Variants in MARCHF10 observed in about 807,000 individuals in gnomAD.
The protein encoded by MARCHF10 is probable E3 ubiquitin-protein ligase MARCHF10.
A neutral mutation model predicts 76.2 loss-of-function variants in MARCHF10; 64 were observed. The observed-to-expected ratio is 0.84, with a 90% confidence interval of 0.69 to 1.03. The LOEUF is 1.03. Among genes scored for constraint, MARCHF10 ranks in the 50% least tolerant of loss-of-function variants. The pLI is 0.00. For missense variants in MARCHF10, 875 were observed against 958.0 expected (o/e 0.91, Z 1.14); for synonymous variants, 340 against 357.5 (o/e 0.95, Z 0.55).
chr17:62,707,178 C>T (rs2089643910), intron 9 of MARCHF10, among the ~76,000 whole-genome samples: 1 of 152,214 alleles, frequency 6.6e-6, no homozygotes. Context: ...AGTTCTCCTC[C>T]CAAAACCCAC....
intron 6 of MARCHF10, among the ~76,000 whole-genome samples, 186 bp from the exon 7 acceptor site, chr17:62,725,290 G>C (rs962886724): frequency 1.3e-5 from 2 of 152,044 alleles, no homozygotes; most frequent in African/African-American, 4.8e-5. Flanking sequence ...TTGAAACAGA[G>C]TCTCACTCCG....
At chr17:62,754,302 A>G (rs1238919284) in intron 4 of MARCHF10, among the ~76,000 whole-genome samples, 2 of 152,150 alleles carry the variant, frequency 1.3e-5, no homozygotes, top group African/African-American at 4.8e-5. Flanking sequence ...CTAACTCCCA[A>G]CCTCAGGTGA....
At position 62,736,697 on chromosome 17, in the gene MARCHF10, C is replaced by A; in HGVS notation, c.1171G>T (p.Gly391Cys). The A allele has an allele frequency of 6.2e-7, 1 of 1,614,162 alleles. No individual in the cohort carries two copies. The highest frequency in any genetic ancestry group is 1.7e-5 in the Admixed American group (1 of 60,020). Reference sequence around the variant, plus strand: ...CTCTTTTTCGCATTTTCACTGCCACCTCTGTCCTTCTCTGTAGCAGATTCC... The same window carrying A: ...CTCTTTTTCGCATTTTCACTGCCACATCTGTCCTTCTCTGTAGCAGATTCC... ...DRESATEKDR[G>C]GSENAKKSPL... is the part of the protein sequence containing the mutation. The change falls in exon 6 of 11, where the codon GGT becomes TGT. Residue 391 changes from glycine (G) to cysteine (C), a missense_variant. By Grantham distance (159) the Gly-to-Cys change is radical. Transcript: ENST00000311269.
rs189701065 is a variant in MARCHF10 at position 62,707,844 on chromosome 17, C to T, written c.2329-2263G>A. Among the ~76,000 whole-genome samples, 19 of 152,234 alleles carry T rather than the reference C, an allele frequency of 1.2e-4. No homozygotes were observed. In the South Asian group the frequency reaches 2.7e-3, roughly 22 times the overall value. On this transcript the variant is annotated intron_variant, in intron 9 of 10. Coordinates refer to ENST00000311269, the MANE Select transcript of MARCHF10 (RefSeq NM_152598.4). ...TTTAGAGGCTAGTATGTAGTAGGTT[C>T]GCAGAAAATCTTTGAATAGCGGCTG... is the stretch of plus-strand genomic sequence containing the variant.
chr17:62,788,209 G>A (rs1360491344), intron 3 of MARCHF10, among the ~76,000 whole-genome samples: 1 of 152,164 alleles, frequency 6.6e-6, no homozygotes, highest in Non-Finnish European at 1.5e-5. Flanking sequence ...GACCATCTGT[G>A]TCAGGACCTT....
chr17:62,715,661 G>C (rs1256378910), intron 8 of MARCHF10, among the ~76,000 whole-genome samples: 2 of 152,202 alleles, frequency 1.3e-5, no homozygotes, highest in African/African-American at 4.8e-5. Context: ...TACTGCCACA[G>C]GCCCTGACAG....
intron 3 of MARCHF10, among the ~76,000 whole-genome samples, chr17:62,772,435 A>G (rs1029332261): frequency 1.3e-5 from 2 of 152,190 alleles, no homozygotes. Context: ...TTTATCAGCA[A>G]TGTGAAAATG....
At chr17:62,798,865 CAG>C (rs1328417593) in intron 2 of MARCHF10, among the ~76,000 whole-genome samples, 1 of 152,150 alleles carries the variant, frequency 6.6e-6, no homozygotes, top group Non-Finnish European at 1.5e-5. Flanking sequence ...GGCTGGAGAG[CAG>C]AGGGCCTCAA....
At chr17:62,705,306 C>A (rs1467878763) in intron 10 of MARCHF10, 2 of 1,454,346 alleles carry the variant, frequency 1.4e-6, no homozygotes, top group African/African-American at 2.9e-5. Flanking sequence ...TTTGTTGGCG[C>A]CTTTCCTTGC....
At chr17:62,804,417 T>C (rs1201052982) in intron 1 of MARCHF10, among the ~76,000 whole-genome samples, 1 of 151,662 alleles carries the variant, frequency 6.6e-6, no homozygotes, top group Non-Finnish European at 1.5e-5. Flanking sequence ...CACGAATATT[T>C]AGAGAACAAG....
In MARCHF10 at chr17:62,709,310, C is replaced by A. The variant is rs546561167; in HGVS notation, c.2328+1921G>T. 2.0e-5 allele frequency among the ~76,000 whole-genome samples: 3 copies of A among 152,074 alleles called. No individual in the cohort carries two copies. The East Asian group carries it at 5.8e-4, about 29-fold the overall frequency. On this transcript the variant is annotated intron_variant, in intron 9 of 10. Transcript: ENST00000311269. ...GCCTGACCAACATGGTGAAACCCTG[C>A]CTCTACTAAAAATACACAAATTAGC...
intron 4 of MARCHF10, among the ~76,000 whole-genome samples, chr17:62,758,431 C>T (rs1429712639): frequency 6.6e-6 from 1 of 152,158 alleles, no homozygotes; most frequent in African/African-American, 2.4e-5. Flanking sequence ...AAAACATCCT[C>T]AATTCGATAA....
intron 3 of MARCHF10, among the ~76,000 whole-genome samples, chr17:62,782,220 G>A (rs1175970656): frequency 1.3e-5 from 2 of 152,138 alleles, no homozygotes; most frequent in Non-Finnish European, 2.9e-5. Context: ...CTTATTCACA[G>A]CTTCCCTTGA....
intron 10 of MARCHF10, 165 bp downstream of exon 10, chr17:62,705,374 T>C: frequency 1.3e-6 from 2 of 1,531,002 alleles, no homozygotes; most frequent in South Asian, 1.2e-5. Context: ...GGCCTCGCCT[T>C]CCTGATTGTT....
chr17:62,764,596 CTG>C (rs756665713), intron 3 of MARCHF10, among the ~76,000 whole-genome samples: 8 of 127,516 alleles, frequency 6.3e-5, no homozygotes, highest in Non-Finnish European at 1.3e-4. Flanking sequence ...GATCAAGGGA[CTG>C]TGTGTGCCAC....
At position 62,741,230 on chromosome 17, in the gene MARCHF10, G is replaced by C. The variant is rs557517805; in HGVS notation, c.535+3146C>G. 1.5e-4 allele frequency among the ~76,000 whole-genome samples: 23 copies of C among 152,218 alleles called. No individual in the cohort carries two copies. The East Asian group carries it at 4.2e-3, about 28-fold the overall frequency. On this transcript the variant is annotated intron_variant, in intron 5 of 10. Transcript: ENST00000311269. The stretch of plus-strand genomic sequence containing the variant: ...ATAATTTGTTAACTCTTCCCCTATT[G>C]TTGGGTATATAGGTTGTTTTGAGGT...
At chr17:62,732,800 C>G (rs2091082844) in intron 6 of MARCHF10, among the ~76,000 whole-genome samples, 2 of 151,914 alleles carry the variant, frequency 1.3e-5, no homozygotes, top group Admixed American at 1.3e-4. Context: ...TGAGACCAGC[C>G]TGGCCAACCC....
chr17:62,712,237 A>G lies in MARCHF10; in HGVS notation c.2215-893T>C, dbSNP rs566267176. On this transcript the variant is annotated intron_variant, in intron 8 of 10. Transcript: ENST00000311269. This position sits in a 1 kb window ranked among gnomAD's most constrained non-coding sequence, Gnocchi z 4.2. ...CCAGGCTGTGCTCACAAAGCCACCC[A>G]GCCCCCGGGGAATAGAGTCCCCAGC... Among the ~76,000 whole-genome samples, 1 of 152,336 alleles carries G rather than the reference A, an allele frequency of 6.6e-6. No homozygotes were observed. The highest frequency in any genetic ancestry group is 1.9e-4 in the East Asian group (1 of 5,176).
intron 10 of MARCHF10, 167 bp downstream of exon 10, chr17:62,705,372 C>T (rs2089513633): frequency 6.5e-7 from 1 of 1,527,712 alleles, no homozygotes; most frequent in African/African-American, 1.4e-5. Context: ...TTGGCCTCGC[C>T]TTCCTGATTG....
Sources: allele counts gnomAD v4.1 joint callset (sites outside exome capture counted in the v4.1 genomes callset), GRCh38; gene constraint gnomAD v4.1.1; non-coding constraint Gnocchi (gnomAD v3.1); transcripts MANE v1.5; gene names NCBI Gene and HGNC (gene_info 2026-07-23, HGNC 2026-07-21).